SPEG: variants seen among roughly 807,000 people sequenced by gnomAD.
SPEG encodes the protein striated muscle preferentially expressed protein kinase.
Under a neutral mutation model 300.4 loss-of-function variants are expected in SPEG, and 114 were observed. The ratio of observed to expected loss-of-function variants is 0.38; its 90% CI spans 0.33 to 0.44. SPEG has a LOEUF of 0.44. SPEG is among the 20% of genes least tolerant of loss of function. The probability of loss-of-function intolerance (pLI) is 1.00; values close to 1 mark genes in which losing one functional copy is unlikely to be tolerated. For synonymous variants in SPEG, 1,964 were observed against 2,018.9 expected (o/e 0.97, Z 0.73); for missense variants, 4,201 against 4,586.2 (o/e 0.92, Z 2.43).
chr2:219,444,515 G>C lies in SPEG; in HGVS notation c.389-138G>C. On this transcript the variant is annotated intron_variant, in intron 1 of 40. Coordinates refer to ENST00000312358, the MANE Select transcript of SPEG (RefSeq NM_005876.5). The surrounding 1 kb of genome is among the most constrained non-coding windows in gnomAD (Gnocchi z 7.8). ...GCCCAGGCTGGGCAGGGGATGTGGGGAGCAAAAGAGAGGAGGTGCTGGCAG... is the reference window on the plus strand; with the variant it reads ...GCCCAGGCTGGGCAGGGGATGTGGGCAGCAAAAGAGAGGAGGTGCTGGCAG... 1 of 707,782 alleles carries C rather than the reference G, an allele frequency of 1.4e-6. No homozygotes were observed. The highest frequency in any genetic ancestry group is 1.7e-5 in the South Asian group (1 of 57,186). 43.8% of individuals were successfully genotyped at this position (707,782 alleles called of 1,614,324 possible). A position where few individuals can be genotyped will look rare whatever the true frequency, so the allele number is the denominator to read the frequency against.
At position 219,445,450 on chromosome 2, in the gene SPEG, G is replaced by C; in HGVS notation, c.815+289G>C. 2.1e-6 allele frequency: 1 copy of C among 486,050 alleles called. No individual in the cohort carries two copies. The highest frequency in any genetic ancestry group is 3.7e-6 in the Non-Finnish European group (1 of 272,380). 30.1% of individuals were successfully genotyped at this position (486,050 alleles called of 1,614,324 possible). On this transcript the variant is annotated intron_variant, in intron 3 of 40. Coordinates refer to ENST00000312358, the MANE Select transcript of SPEG (RefSeq NM_005876.5). The surrounding 1 kb of genome is among the most constrained non-coding windows in gnomAD (Gnocchi z 6.1). The stretch of plus-strand genomic sequence containing the variant: ...TCCTCCAAGATCTCCAGTTTCTCAG[G>C]GGCCCTCTTTTGCCTCACCCATTTG...
intron 6 of SPEG, 136 bp from the exon 7 acceptor site, chr2:219,461,746 G>C (rs1690716152): frequency 4.0e-6 from 4 of 1,004,702 alleles, no homozygotes; most frequent in Non-Finnish European, 4.5e-6. Context: ...GGTCGCAGGA[G>C]CCTGGGGGTG....
chr2:219,462,462 G>T, intron 8 of SPEG, 76 bp downstream of exon 8: 1 of 1,205,154 alleles, frequency 8.3e-7, no homozygotes, highest in South Asian at 1.4e-5. Context: ...GCTTTGGGTG[G>T]AAGGAAATGG....
intron 6 of SPEG, chr2:219,461,076 G>A (rs1414056380): frequency 5.0e-5 from 46 of 928,330 alleles, no homozygotes; most frequent in Admixed American, 6.2e-5. Flanking sequence ...GCAGTTTCAT[G>A]TCTGTATTTG....
Position 219,492,727 on chromosome 2 carries a change from C to T in SPEG, c.9745C>T (p.Arg3249Trp). The T allele has an allele frequency of 2.5e-6, 4 of 1,584,780 alleles. No individual in the cohort carries two copies. The highest frequency in any genetic ancestry group is 1.3e-5 in the African/African-American group (1 of 74,678). The change falls in exon 41 of 41, where the codon CGG becomes TGG. Residue 3249 changes from arginine (R) to tryptophan (W), a missense_variant. By Grantham distance (101) the Arg-to-Trp change is moderately radical. Transcript: ENST00000312358. ...KEFLGEQRRR[R>W]AEAATRHKVL... ...GTTCCTGGGCGAGCAGCGGCGGCGC[C>T]GGGCTGAGGCTGCCACCCGCCACAA...
chr2:219,484,151 C>T lies in SPEG; in HGVS notation c.6688C>T (p.Pro2230Ser), dbSNP rs1177590038. The T allele has an allele frequency of 2.5e-6, 4 of 1,613,520 alleles. No homozygotes were observed. The highest frequency in any genetic ancestry group is 2.7e-5 in the African/African-American group (2 of 74,926). The change falls in exon 30 of 41, where the codon CCA (proline) becomes TCA (serine). Residue 2230 changes from proline (P) to serine (S), a missense_variant. Pro to Ser is a moderately conservative substitution (Grantham distance 74). Transcript: ENST00000312358. ...PEPVRASKPA[P>S]PPQALQTLAL... ...ACCAGTCCGAGCCTCCAAGCCTGCACCACCCCCCCAGGCCCTGCAAACCCT... is the reference window on the plus strand; with the variant it reads ...ACCAGTCCGAGCCTCCAAGCCTGCATCACCCCCCCAGGCCCTGCAAACCCT...
At chr2:219,440,952 A>G (rs143313826) in intron 1 of SPEG, among the ~76,000 whole-genome samples, 3 of 152,250 alleles carry the variant, frequency 2.0e-5, no homozygotes, top group African/African-American at 7.2e-5. Context: ...TCCAGGACAC[A>G]TGGAGTCCTA....
rs1236449046 is a variant in SPEG, at chr2:219,490,625, A to G, written c.9138A>G (p.Glu3046=). Residue 3046 remains glutamate, a synonymous_variant, in exon 37 of 41, where the codon GAA becomes GAG. Coordinates refer to ENST00000312358, the MANE Select transcript of SPEG (RefSeq NM_005876.5). ...VLIAESCGNR[E]LLCGLSDRFR... is the part of the protein sequence containing the mutation. ...TTGCTGAGAGCTGTGGCAACCGGGA[A>G]CTCCTCTGTGGGCTCAGTGACAGGT... 1.2e-6 allele frequency: 2 copies of G among 1,611,304 alleles called. No homozygotes were observed.
rs1329842291 is a variant in SPEG at position 219,490,672 on chromosome 2, A to G, written c.9161+24A>G. On this transcript the variant is annotated intron_variant, in intron 37 of 40. Coordinates refer to ENST00000312358, the MANE Select transcript of SPEG (RefSeq NM_005876.5). ...AGGTAGCTGGGAATTCTAGGGGAGTAGGGAGGAAGAGGTAGGGGAGGCTGG... is the reference window on the plus strand; with the variant it reads ...AGGTAGCTGGGAATTCTAGGGGAGTGGGGAGGAAGAGGTAGGGGAGGCTGG... The G allele has an allele frequency of 3.1e-6, 5 of 1,609,484 alleles. No homozygotes were observed. The South Asian group carries it at 5.5e-5, about 18-fold the overall frequency.
At chr2:219,457,926 T>C (rs1410366217) in intron 6 of SPEG, among the ~76,000 whole-genome samples, 7 of 152,250 alleles carry the variant, frequency 4.6e-5, no homozygotes, top group African/African-American at 1.7e-4. Flanking sequence ...CCTTCAGTTC[T>C]CTCTTTTTCC....
chr2:219,471,414 G>C (rs1341830337), intron 13 of SPEG, among the ~76,000 whole-genome samples: 1 of 152,184 alleles, frequency 6.6e-6, no homozygotes, highest in Non-Finnish European at 1.5e-5. Flanking sequence ...CCCTGCAGCT[G>C]TGCTGGAGAC....
chr2:219,454,677 A>G (rs1690035556), intron 6 of SPEG, among the ~76,000 whole-genome samples: 1 of 152,234 alleles, frequency 6.6e-6, no homozygotes. Flanking sequence ...AGCTAGCACC[A>G]GGCCAGCAGC....
Position 219,445,115 on chromosome 2 carries a change from G to C in SPEG, c.769G>C (p.Gly257Arg). The change falls in exon 3 of 41, where the codon GGC becomes CGC. Residue 257 changes from glycine (G) to arginine (R), a missense_variant. Coordinates refer to ENST00000312358, the MANE Select transcript of SPEG (RefSeq NM_005876.5). This position sits in a 1 kb window ranked among gnomAD's most constrained non-coding sequence, Gnocchi z 6.1. The stretch of plus-strand genomic sequence containing the variant: ...CCTTTCCGTGGCCAGTGACCTGTAC[G>C]GCAGCGCATTCAGCCTGTACAGAGG... ...DSLSVASDLY[G>R]SAFSLYRGRA... The C allele has an allele frequency of 6.3e-7, 1 of 1,595,988 alleles. No individual in the cohort carries two copies. The highest frequency in any genetic ancestry group is 8.5e-7 in the Non-Finnish European group (1 of 1,171,874).
chr2:219,469,453 C>T, intron 13 of SPEG, 74 bp downstream of exon 13: 4 of 1,175,666 alleles, frequency 3.4e-6, no homozygotes, highest in East Asian at 2.5e-5. Context: ...GCCCCTCTCC[C>T]CAGCTCTCCC....
chr2:219,473,678 G>C lies in SPEG; in HGVS notation c.4272-50G>C. 2.5e-6 allele frequency: 4 copies of C among 1,613,630 alleles called. No individual in the cohort carries two copies. The highest frequency in any genetic ancestry group is 3.4e-6 in the Non-Finnish European group (4 of 1,179,694). ...GCCCAGGTCTGGCCCAGCCTGGCCG[G>C]AATGCCCTGGGGCAAGATCTGGGTG... On this transcript the variant is annotated intron_variant, in intron 17 of 40. Coordinates refer to ENST00000312358, the MANE Select transcript of SPEG (RefSeq NM_005876.5). This position sits in a 1 kb window ranked among gnomAD's most constrained non-coding sequence, Gnocchi z 4.6.
chr2:219,470,867 G>A (rs1691812241), intron 13 of SPEG, among the ~76,000 whole-genome samples: 1 of 152,182 alleles, frequency 6.6e-6, no homozygotes. Context: ...ATTCACGAGG[G>A]GGAAAGCATG....
chr2:219,481,587 C>T lies in SPEG; in HGVS notation c.5523-51C>T, dbSNP rs1036383339. ...GGAGCCCTGTTTGCTCAGTTATTGA[C>T]TCACTGATGACTGAACGATAAATCC... is the stretch of plus-strand genomic sequence containing the variant. On this transcript the variant is annotated intron_variant, in intron 27 of 40. Transcript: ENST00000312358. This position sits in a 1 kb window ranked among gnomAD's most constrained non-coding sequence, Gnocchi z 5.4. 28 of 1,604,518 alleles carry T rather than the reference C, an allele frequency of 1.7e-5. No individual in the cohort carries two copies. Among genetic ancestry groups the T allele is most frequent in the Non-Finnish European group, 2.4e-5 (28 of 1,171,432 alleles).
intron 1 of SPEG, chr2:219,441,412 C>A: frequency 2.3e-6 from 1 of 436,618 alleles, no homozygotes; most frequent in Non-Finnish European, 4.6e-6. Flanking sequence ...CAGTCTGAGT[C>A]CATGTTAACA....
At position 219,451,955 on chromosome 2, in the gene SPEG, C is replaced by A; in HGVS notation, c.2440+148C>A. 1 of 851,352 alleles carries A rather than the reference C, an allele frequency of 1.2e-6. No individual in the cohort carries two copies. Among genetic ancestry groups the A allele is most frequent in the Non-Finnish European group, 1.7e-6 (1 of 589,130 alleles). 52.7% of individuals were successfully genotyped at this position (851,352 alleles called of 1,614,324 possible). A position where few individuals can be genotyped will look rare whatever the true frequency, so the allele number is the denominator to read the frequency against. ...AGTCCATGCAGTCCCTTCTGGGTGT[C>A]GGCAGCTTTGGTGAAAGCGTTTTAA... On this transcript the variant is annotated intron_variant, in intron 6 of 40. Transcript: ENST00000312358. The surrounding 1 kb of genome is among the most constrained non-coding windows in gnomAD (Gnocchi z 6.4).
Sources: allele counts gnomAD v4.1 joint callset (sites outside exome capture counted in the v4.1 genomes callset), GRCh38; gene constraint gnomAD v4.1.1; non-coding constraint Gnocchi (gnomAD v3.1); transcripts MANE v1.5; gene names NCBI Gene and HGNC (gene_info 2026-07-23, HGNC 2026-07-21).